Variants in FREM2 observed in about 807,000 individuals in gnomAD.
FREM2 encodes FRAS1-related extracellular matrix protein 2.
Under a neutral mutation model 219.9 loss-of-function variants are expected in FREM2, and 119 were observed. The observed-to-expected ratio is 0.54, with a 90% confidence interval of 0.47 to 0.63. The LOEUF is 0.63. Among genes scored for constraint, FREM2 ranks in the 30% least tolerant of loss-of-function variants. FREM2 has a pLI of 0.00. For missense variants in FREM2, 4,030 were observed against 3,993.6 expected, an observed-to-expected ratio of 1.01 and a Z score of -0.25; for synonymous variants, 1,562 against 1,522.8, an observed-to-expected ratio of 1.03 and a Z score of -0.60.
rs556358101 is a variant in FREM2, at chr13:38,692,221, C to T, written c.4877C>T (p.Thr1626Ile). 17 of 1,614,162 alleles carry T rather than the reference C, an allele frequency of 1.1e-5. No individual in the cohort carries two copies. The highest frequency in any genetic ancestry group is 1.4e-5 in the Non-Finnish European group (16 of 1,180,000). Residue 1626 changes from threonine (T) to isoleucine (I), a missense_variant, in exon 1 of 24, where the codon ACA (threonine) becomes ATA (isoleucine). Thr to Ile is a moderately conservative substitution (Grantham distance 89, BLOSUM62 -1). Transcript: ENST00000280481. ...FSFTVTDGTH[T>I]DFYVFPDTVF... ...TTCACAGTGACTGATGGCACCCATACAGACTTCTATGTTTTTCCTGATACG... is the reference window on the plus strand; with the variant it reads ...TTCACAGTGACTGATGGCACCCATATAGACTTCTATGTTTTTCCTGATACG...
chr13:38,687,921 C>A lies in FREM2; in HGVS notation c.577C>A (p.Leu193Met), dbSNP rs1405727084. Residue 193 changes from leucine to methionine, a missense_variant, in exon 1 of 24, where the codon CTG becomes ATG. This residue lies in a region of FREM2 where 3,102 missense variants were observed against 2,950.7 expected (regional missense o/e 1.05). Transcript: ENST00000280481. ...GAACTTGCCTCTGGTCGTGGAAGAG[C>A]TGCTGGGGACCAGCAATGCCCTGGA... ...TRNLPLVVEELLGTSNALDAR... is the reference protein window; with the variant it reads ...TRNLPLVVEEMLGTSNALDAR... 6.3e-7 allele frequency: 1 copy of A among 1,599,026 alleles called. No homozygotes were observed. Among genetic ancestry groups the A allele is most frequent in the South Asian group, 1.1e-5 (1 of 89,448 alleles).
At chr13:38,786,687 A>C (rs566827443) in intron 6 of FREM2, among the ~76,000 whole-genome samples, 4 of 152,106 alleles carry the variant, frequency 2.6e-5, no homozygotes, top group Non-Finnish European at 5.9e-5. Flanking sequence ...TTTTTTTGGC[A>C]AAAAAATCTT....
intron 6 of FREM2, among the ~76,000 whole-genome samples, chr13:38,833,188 CTTT>C (rs1253456662): frequency 6.6e-6 from 1 of 151,950 alleles, no homozygotes; most frequent in African/African-American, 2.4e-5. Context: ...TGATAACTGT[CTTT>C]TATAACTGGC....
At chr13:38,829,668 A>G (rs916108769) in intron 6 of FREM2, among the ~76,000 whole-genome samples, 1 of 151,126 alleles carries the variant, frequency 6.6e-6, no homozygotes, top group East Asian at 2.0e-4. Flanking sequence ...TAGATTTCAC[A>G]GTGTCTTGAT....
intron 6 of FREM2, among the ~76,000 whole-genome samples, chr13:38,834,607 C>T (rs1476236553): frequency 6.6e-6 from 1 of 152,206 alleles, no homozygotes; most frequent in Non-Finnish European, 1.5e-5. Flanking sequence ...TCCTCTCCAA[C>T]ATCTGTGGTT....
intron 2 of FREM2, among the ~76,000 whole-genome samples, chr13:38,714,869 T>G (rs533598190): frequency 6.6e-6 from 1 of 152,058 alleles, no homozygotes; most frequent in South Asian, 2.1e-4. Flanking sequence ...GCAGATCACC[T>G]GAGGTCAGGA....
At chr13:38,872,704 A>C in intron 16 of FREM2, 38 bp from the exon 17 acceptor site, 1 of 1,585,614 alleles carries the variant, frequency 6.3e-7, no homozygotes, top group Non-Finnish European at 8.7e-7. Context: ...CTTAGTTAAC[A>C]CTGAGTCATG....
chr13:38,698,537 T>C (rs1264891372), intron 2 of FREM2, among the ~76,000 whole-genome samples: 1 of 152,130 alleles, frequency 6.6e-6, no homozygotes, highest in Non-Finnish European at 1.5e-5. Context: ...AGATTGCTCA[T>C]AAAGATGTTT....
intron 2 of FREM2, among the ~76,000 whole-genome samples, chr13:38,698,984 A>G (rs190258315): frequency 2.6e-5 from 4 of 152,268 alleles, no homozygotes; most frequent in East Asian, 3.9e-4. Context: ...GTATTGATGA[A>G]AGGCATCTTA....
At chr13:38,830,189 G>A (rs1332027280) in intron 6 of FREM2, among the ~76,000 whole-genome samples, 1 of 152,130 alleles carries the variant, frequency 6.6e-6, no homozygotes, top group Admixed American at 6.6e-5. Flanking sequence ...AAACGAAAGT[G>A]AGGAAAATGA....
chr13:38,772,883 G>T lies in FREM2; in HGVS notation c.5641+3075G>T, dbSNP rs181042627. On this transcript the variant is annotated intron_variant, in intron 4 of 23. Transcript: ENST00000280481. ...GGCTAATTTTTGTATTTTTAGTAGAGACGGGGTTTCACCACGTTGGCCAGG... is the reference window on the plus strand; with the variant it reads ...GGCTAATTTTTGTATTTTTAGTAGATACGGGGTTTCACCACGTTGGCCAGG... Among the ~76,000 whole-genome samples the T allele has an allele frequency of 6.5e-3, 988 of 151,968 alleles. 12 individuals carry two copies. Among genetic ancestry groups the T allele is most frequent in the African/African-American group, 0.023 (959 of 41,462 alleles).
intron 2 of FREM2, among the ~76,000 whole-genome samples, chr13:38,763,110 C>T (rs957341478): frequency 3.3e-5 from 5 of 152,182 alleles, no homozygotes; most frequent in South Asian, 4.1e-4. Context: ...TTGCCCCTTG[C>T]ACACATTGGC....
At chr13:38,747,975 C>A (rs1872556510) in intron 2 of FREM2, among the ~76,000 whole-genome samples, 1 of 152,052 alleles carries the variant, frequency 6.6e-6, no homozygotes, top group Admixed American at 6.6e-5. Context: ...TCGTAAGGTT[C>A]AAATATCCAC....
chr13:38,828,938 A>G (rs1369898569), intron 6 of FREM2, among the ~76,000 whole-genome samples: 1 of 152,028 alleles, frequency 6.6e-6, no homozygotes. Flanking sequence ...TCACATATGC[A>G]GGGTGTCATT....
chr13:38,766,889 A>G (rs1233654818), intron 3 of FREM2, among the ~76,000 whole-genome samples: 1 of 152,192 alleles, frequency 6.6e-6, no homozygotes, highest in Non-Finnish European at 1.5e-5. Flanking sequence ...TTTATTGAGT[A>G]CTCATTACAT....
intron 2 of FREM2, among the ~76,000 whole-genome samples, chr13:38,699,039 C>A (rs1870236988): frequency 6.6e-6 from 1 of 152,086 alleles, no homozygotes; most frequent in Non-Finnish European, 1.5e-5. Flanking sequence ...ATAAAAAAAA[C>A]CTTCTTGAAT....
At chr13:38,697,185 T>G (rs1870145451) in intron 1 of FREM2, among the ~76,000 whole-genome samples, 1 of 152,238 alleles carries the variant, frequency 6.6e-6, no homozygotes, top group African/African-American at 2.4e-5. Context: ...AAATATCATC[T>G]TATTTTTTTC....
rs1292963913 is a variant in FREM2 at position 38,725,745 on chromosome 13, T to C, written c.5263+27958T>C. Among the ~76,000 whole-genome samples the C allele has an allele frequency of 2.0e-5, 3 of 152,220 alleles. No individual in the cohort carries two copies. In the East Asian group the frequency reaches 5.8e-4, roughly 29 times the overall value. On this transcript the variant is annotated intron_variant, in intron 2 of 23. Transcript: ENST00000280481. ...CAAGCAAGGGAAGGATATAATCTAA[T>C]GTACTTTTGCAGATCTATGGAGAGC...
intron 2 of FREM2, among the ~76,000 whole-genome samples, chr13:38,751,906 T>C (rs752548441): frequency 1.3e-5 from 2 of 151,128 alleles, no homozygotes. Context: ...GTTTTCCTTT[T>C]GGCAGCCAAA....
Sources: gnomAD v4.1 joint callset for allele counts (sites outside exome capture counted in the v4.1 genomes callset) on GRCh38, gnomAD v4.1.1 for gene constraint, gnomAD v4.1.1 regional missense constraint, MANE v1.5 for transcripts, NCBI Gene and HGNC (gene_info 2026-07-23, HGNC 2026-07-21) for gene names.